The following RUNX2 variants were observed in gnomAD, a reference collection of about 807,000 sequenced individuals.
The protein encoded by RUNX2 is RUNX family transcription factor 2, also known as runt-related transcription factor 2.
In RUNX2, 10 loss-of-function variants were observed where a neutral mutation model predicts 51.7. The ratio of observed to expected loss-of-function variants is 0.19; its 90% CI spans 0.12 to 0.33. RUNX2 has a LOEUF of 0.33. RUNX2 is among the 10% of genes least tolerant of loss of function. The pLI is 1.00. For missense variants in RUNX2, 562 were observed against 691.3 expected (o/e 0.81, Z 2.10); for synonymous variants, 276 against 273.6 (o/e 1.01, Z -0.09).
chr6:45,470,408 T>C (rs978406358), intron 5 of RUNX2, among the ~76,000 whole-genome samples: 1 of 152,218 alleles, frequency 6.6e-6, no homozygotes, highest in African/African-American at 2.4e-5. Flanking sequence ...CCAGCTCTTC[T>C]TGTAGTTTGA....
chr6:45,331,813 A>G (rs1787571921), intron 2 of RUNX2, among the ~76,000 whole-genome samples: 1 of 152,006 alleles, frequency 6.6e-6, no homozygotes, highest in Non-Finnish European at 1.5e-5. Flanking sequence ...ATCTTAAAAG[A>G]ACAAAATATT....
chr6:45,391,153 C>T (rs1797460693), intron 2 of RUNX2, among the ~76,000 whole-genome samples: 1 of 152,138 alleles, frequency 6.6e-6, no homozygotes, highest in Non-Finnish European at 1.5e-5. Flanking sequence ...GATGTTTATC[C>T]ACACGAAATT....
chr6:45,414,754 CTTTTTTTTTTTTTTT>C (rs34672680), intron 2 of RUNX2, among the ~76,000 whole-genome samples: 11 of 33,426 alleles, frequency 3.3e-4, no homozygotes, highest in South Asian at 1.9e-3. Flanking sequence ...CAGATCCTGG[CTTTTTTTTTTTTTTT>C]TTTTTTTTTT....
At chr6:45,525,815 C>G (rs926942770) in intron 7 of RUNX2, among the ~76,000 whole-genome samples, 6 of 151,822 alleles carry the variant, frequency 4.0e-5, no homozygotes, top group African/African-American at 1.5e-4. Flanking sequence ...AGCAACATGG[C>G]GAAACCCCGT....
chr6:45,461,670 T>C (rs1359176513), intron 5 of RUNX2, among the ~76,000 whole-genome samples: 1 of 152,134 alleles, frequency 6.6e-6, no homozygotes, highest in African/African-American at 2.4e-5. Flanking sequence ...TTCTAAGCTC[T>C]GTTCTAAGCA....
intron 2 of RUNX2, among the ~76,000 whole-genome samples, chr6:45,419,127 T>G (rs1798122980): frequency 6.6e-6 from 1 of 152,238 alleles, no homozygotes; most frequent in Admixed American, 6.5e-5. Flanking sequence ...CTAGAATTTT[T>G]TATTTGGAAA....
chr6:45,474,608 G>A (rs182805672), intron 5 of RUNX2, among the ~76,000 whole-genome samples: 2 of 152,100 alleles, frequency 1.3e-5, no homozygotes, highest in African/African-American at 4.8e-5. Flanking sequence ...TGGTAATGCT[G>A]GGGAGTTGAA....
chr6:45,446,501 CT>C lies in RUNX2; in HGVS notation c.685+8464del, dbSNP rs398065760. Among the ~76,000 whole-genome samples, 621 of 139,820 alleles carry C rather than the reference CT, an allele frequency of 4.4e-3. 1 individual carries two copies. Among genetic ancestry groups the C allele is most frequent in the African/African-American group, 7.5e-3 (287 of 38,408 alleles). The allele number at this position is 139,820 out of a possible 152,430, so 91.7% of individuals were successfully genotyped here. On this transcript the variant is annotated intron_variant, in intron 5 of 8. Coordinates refer to ENST00000647337, the MANE Select transcript of RUNX2 (RefSeq NM_001024630.4). Reference sequence around the variant, plus strand: ...CCCCTCCCCCCCTTTTTTTGTCTCTCTTTTTTTTTTTTTTAAATAATAATGA... The same window carrying C: ...CCCCTCCCCCCCTTTTTTTGTCTCTCTTTTTTTTTTTTTAAATAATAATGA...
chr6:45,439,861 A>G (rs79252285), intron 5 of RUNX2, among the ~76,000 whole-genome samples: 5,867 of 152,290 alleles, frequency 0.039, 371 homozygotes, highest in African/African-American at 0.13. Flanking sequence ...TCAAGTGTGC[A>G]TAGCAGTACC....
At chr6:45,338,353 A>G (rs946895232) in intron 2 of RUNX2, among the ~76,000 whole-genome samples, 32 of 152,238 alleles carry the variant, frequency 2.1e-4, no homozygotes, top group South Asian at 6.2e-4. Context: ...ATAAAAAAAA[A>G]AAATTATAGG....
At chr6:45,504,188 C>T (rs564403049) in intron 6 of RUNX2, among the ~76,000 whole-genome samples, 54 of 152,290 alleles carry the variant, frequency 3.5e-4, no homozygotes, top group Admixed American at 1.5e-3. Context: ...GAGCCAGATG[C>T]TCTGTGATGG....
At chr6:45,449,284 T>C (rs1316680) in intron 5 of RUNX2, among the ~76,000 whole-genome samples, 4,243 of 152,300 alleles carry the variant, frequency 0.028, 85 homozygotes, top group Non-Finnish European at 0.044. Flanking sequence ...TCCTAAGGAA[T>C]GATCATAAAG....
chr6:45,537,315 G>A (rs773104401), intron 7 of RUNX2, among the ~76,000 whole-genome samples: 1 of 152,140 alleles, frequency 6.6e-6, no homozygotes, highest in Non-Finnish European at 1.5e-5. Context: ...GGTAGCCATG[G>A]CCAGGCTGCT....
At chr6:45,506,667 T>C (rs1026353924) in intron 6 of RUNX2, among the ~76,000 whole-genome samples, 1 of 152,186 alleles carries the variant, frequency 6.6e-6, no homozygotes, top group African/African-American at 2.4e-5. Flanking sequence ...TTGTTGTTGT[T>C]GTTGTTGAGA....
rs184235754 is a variant in RUNX2, at chr6:45,462,184, A to G, written c.685+24133A>G. Among the ~76,000 whole-genome samples, 10 of 152,362 alleles carry G rather than the reference A, an allele frequency of 6.6e-5. No homozygotes were observed. The East Asian group carries it at 1.5e-3, about 23-fold the overall frequency. ...TAAATACATGAAAGGATTTAGAATC[A>G]ATGAGGTGCACTGCAGTTATTTATA... On this transcript the variant is annotated intron_variant, in intron 5 of 8. Transcript: ENST00000647337.
At chr6:45,543,684 G>A (rs751835867) in intron 7 of RUNX2, among the ~76,000 whole-genome samples, 1 of 152,024 alleles carries the variant, frequency 6.6e-6, no homozygotes, top group Non-Finnish European at 1.5e-5. Context: ...TAAGTTTGTG[G>A]CTACAATGTG....
chr6:45,371,347 T>C (rs1432168818), intron 2 of RUNX2, among the ~76,000 whole-genome samples: 2 of 150,896 alleles, frequency 1.3e-5, no homozygotes, highest in African/African-American at 4.9e-5. Flanking sequence ...ATGTAAAAAA[T>C]AGAGGAATTT....
intron 2 of RUNX2, among the ~76,000 whole-genome samples, chr6:45,385,693 T>A (rs62400336): frequency 0.4 from 61,418 of 151,966 alleles, 13,469 homozygotes; most frequent in Non-Finnish European, 0.5. Flanking sequence ...TGAGGTCAGG[T>A]GTTCAAGACC....
At chr6:45,404,528 C>A (rs1472961983) in intron 2 of RUNX2, among the ~76,000 whole-genome samples, 2 of 152,270 alleles carry the variant, frequency 1.3e-5, no homozygotes, top group Non-Finnish European at 2.9e-5. Flanking sequence ...AACAACCCAT[C>A]CATTCTTTTT....
Sources: allele counts gnomAD v4.1 joint callset (sites outside exome capture counted in the v4.1 genomes callset), GRCh38; gene constraint gnomAD v4.1.1; transcripts MANE v1.5; gene names NCBI Gene and HGNC (gene_info 2026-07-23, HGNC 2026-07-21).